KDM4E: variants seen among roughly 807,000 people sequenced by gnomAD.
KDM4E encodes lysine-specific demethylase 4E.
For synonymous variants in KDM4E, 229 were observed against 232.9 expected (o/e 0.98, Z 0.15); for missense variants, 576 against 642.6 (o/e 0.90, Z 1.12).
In KDM4E at chr11:95,026,442, A is replaced by G; in HGVS notation, c.885A>G (p.Pro295=). The G allele has an allele frequency of 1.9e-6, 3 of 1,611,408 alleles. No homozygotes were observed. The highest frequency in any genetic ancestry group is 1.7e-6 in the Non-Finnish European group (2 of 1,179,958). ...CAGAAGCCATTAATTTTGCCACTCC[A>G]CGATGGATTGATTATGGCAAAATGG... is the stretch of plus-strand genomic sequence containing the variant. ...NCAEAINFAT[P]RWIDYGKMAS... The change falls in exon 1 of 1, where the codon CCA becomes CCG. Residue 295 remains proline, a synonymous_variant. Coordinates refer to ENST00000450979, the MANE Select transcript of KDM4E (RefSeq NM_001161630.1).
At position 95,027,342 on chromosome 11, in the gene KDM4E, G is replaced by A; in HGVS notation, c.*264G>A. 2.0e-6 allele frequency: 1 copy of A among 503,450 alleles called. No individual in the cohort carries two copies. Among genetic ancestry groups the A allele is most frequent in the Non-Finnish European group, 3.5e-6 (1 of 284,452 alleles). The allele number at this position is 503,450 out of a possible 1,614,324, so 31.2% of individuals were successfully genotyped here. A position where few individuals can be genotyped will look rare whatever the true frequency, so the allele number is the denominator to read the frequency against. The stretch of plus-strand genomic sequence containing the variant: ...AGGGACACTTGCCTGGTGAACATGG[G>A]CAAGGCTGTAGCAATGGACCACTTT... On this transcript the variant is annotated 3_prime_UTR_variant, in exon 1 of 1. Transcript: ENST00000450979.
rs1346705304 is a variant in KDM4E, at chr11:95,025,646, C to T, written c.89C>T (p.Thr30Ile). The T allele has an allele frequency of 1.9e-6, 3 of 1,540,022 alleles. No homozygotes were observed. Among genetic ancestry groups the T allele is most frequent in the East Asian group, 4.8e-5 (2 of 41,346 alleles). The change falls in exon 1 of 1, where the codon ACA becomes ATA. Residue 30 changes from threonine to isoleucine, a missense_variant. Thr to Ile is a moderately conservative substitution (Grantham distance 89, BLOSUM62 -1). Coordinates refer to ENST00000450979, the MANE Select transcript of KDM4E (RefSeq NM_001161630.1). Reference sequence around the variant, plus strand: ...ATGGAAGAATTTGCAGATTTCAACACATATGTTGCTTACATGGAGTCCCAA... The same window carrying T: ...ATGGAAGAATTTGCAGATTTCAACATATATGTTGCTTACATGGAGTCCCAA... Reference protein sequence around the residue: ...PTMEEFADFNTYVAYMESQGA... With the variant: ...PTMEEFADFNIYVAYMESQGA...
In KDM4E at chr11:95,026,398, A is replaced by C; in HGVS notation, c.841A>C (p.Asn281His). The C allele has an allele frequency of 6.2e-7, 1 of 1,613,872 alleles. No individual in the cohort carries two copies. The highest frequency in any genetic ancestry group is 8.5e-7 in the Non-Finnish European group (1 of 1,180,034). ...TFPYGYHAGFNHGFNCAEAIN... is the reference protein window; with the variant it reads ...TFPYGYHAGFHHGFNCAEAIN... ...TCCCTATGGCTACCATGCTGGCTTC[A>C]ATCACGGCTTCAACTGCGCAGAAGC... Residue 281 changes from asparagine (N) to histidine (H), a missense_variant, in exon 1 of 1, where the codon AAT becomes CAT. Physicochemically the swap from Asn to His is moderately conservative, Grantham distance 68. Coordinates refer to ENST00000450979, the MANE Select transcript of KDM4E (RefSeq NM_001161630.1).
rs1555102988 is a variant in KDM4E, at chr11:95,026,691, A to G, written c.1134A>G (p.Thr378=). Residue 378 remains threonine, a synonymous_variant, in exon 1 of 1, where the codon ACA becomes ACG. Coordinates refer to ENST00000450979, the MANE Select transcript of KDM4E (RefSeq NM_001161630.1). Reference sequence around the variant, plus strand: ...GCCTGAGGCTTCTCCCAAACCTCACAGCCCAGTGTCCCACACAGCCTGTGT... The same window carrying G: ...GCCTGAGGCTTCTCCCAAACCTCACGGCCCAGTGTCCCACACAGCCTGTGT... ...ALGLRLLPNL[T]AQCPTQPVSS... The G allele has an allele frequency of 6.5e-7, 1 of 1,537,260 alleles. No homozygotes were observed. The highest frequency in any genetic ancestry group is 1.2e-5 in the South Asian group (1 of 84,068).
Position 95,026,333 on chromosome 11 carries a change from A to G in KDM4E, c.776A>G (p.Asn259Ser), listed in dbSNP as rs1858265522. ...CTCAAGGAAAATGGGATTCCCTTCAATTGCATGACTCAGGAGGCTGGGGAG... is the reference window on the plus strand; with the variant it reads ...CTCAAGGAAAATGGGATTCCCTTCAGTTGCATGACTCAGGAGGCTGGGGAG... Reference protein sequence around the residue: ...TVLKENGIPFNCMTQEAGEFM... With the variant: ...TVLKENGIPFSCMTQEAGEFM... The change falls in exon 1 of 1, where the codon AAT (asparagine) becomes AGT (serine). Residue 259 changes from asparagine to serine, a missense_variant. Asn to Ser is a conservative substitution (Grantham distance 46). Transcript: ENST00000450979. The G allele has an allele frequency of 6.2e-7, 1 of 1,613,900 alleles. No individual in the cohort carries two copies. The highest frequency in any genetic ancestry group is 1.3e-5 in the African/African-American group (1 of 74,888).
Position 95,027,159 on chromosome 11 carries a change from C to T in KDM4E, c.*81C>T, listed in dbSNP as rs782080116. ...TCAACTCCTGGGGCCCCCACTGGAT[C>T]GTGATGAAACCATGCACCCTGGCCT... On this transcript the variant is annotated 3_prime_UTR_variant, in exon 1 of 1. Coordinates refer to ENST00000450979, the MANE Select transcript of KDM4E (RefSeq NM_001161630.1). The T allele has an allele frequency of 4.6e-5, 69 of 1,484,582 alleles. No individual in the cohort carries two copies. The highest frequency in any genetic ancestry group is 5.3e-5 in the Non-Finnish European group (60 of 1,122,850). The allele number at this position is 1,484,582 out of a possible 1,614,324, so 92.0% of individuals were successfully genotyped here.
rs782120741 is a variant in KDM4E at position 95,025,747 on chromosome 11, G to A, written c.190G>A (p.Glu64Lys). Residue 64 changes from glutamate to lysine, a missense_variant, in exon 1 of 1, where the codon GAA becomes AAA. Coordinates refer to ENST00000450979, the MANE Select transcript of KDM4E (RefSeq NM_001161630.1). ...AGCCAGACAGATGTATGATGATATCGAAGACATCTTAATAGCCACTCCCCT... is the reference window on the plus strand; with the variant it reads ...AGCCAGACAGATGTATGATGATATCAAAGACATCTTAATAGCCACTCCCCT... ...WKARQMYDDI[E>K]DILIATPLQQ... 22 of 1,585,298 alleles carry A rather than the reference G, an allele frequency of 1.4e-5. No individual in the cohort carries two copies. Among genetic ancestry groups the A allele is most frequent in the Admixed American group, 6.9e-5 (4 of 57,982 alleles).
In KDM4E at chr11:95,027,371, G is replaced by A. The variant is rs1858284827; in HGVS notation, c.*293G>A. 5 of 419,456 alleles carry A rather than the reference G, an allele frequency of 1.2e-5. No homozygotes were observed. The highest frequency in any genetic ancestry group is 8.3e-5 in the East Asian group (2 of 24,122). 26.0% of individuals were successfully genotyped at this position (419,456 alleles called of 1,614,324 possible). A position where few individuals can be genotyped will look rare whatever the true frequency, so the allele number is the denominator to read the frequency against. On this transcript the variant is annotated 3_prime_UTR_variant, in exon 1 of 1. Coordinates refer to ENST00000450979, the MANE Select transcript of KDM4E (RefSeq NM_001161630.1). ...GGCTGTAGCAATGGACCACTTTTAC[G>A]GCTCTAGGGTTCTGACTCCAACTAA...
In KDM4E at chr11:95,025,587, C is replaced by A. The variant is rs995519723; in HGVS notation, c.30C>A (p.Asn10Lys). Residue 10 changes from asparagine to lysine, a missense_variant, in exon 1 of 1, where the codon AAC (asparagine) becomes AAA (lysine). Asn to Lys is a moderately conservative substitution (Grantham distance 94, BLOSUM62 0). Transcript: ENST00000450979. ...AGTCTGTGCACTCCAGTCCCCAGAA[C>A]ACGAGTCATACCATCATGACGTTTT... Reference protein sequence around the residue: MKSVHSSPQNTSHTIMTFYP... With the variant: MKSVHSSPQKTSHTIMTFYP... The A allele has an allele frequency of 2.0e-6, 3 of 1,535,210 alleles. No individual in the cohort carries two copies. Among genetic ancestry groups the A allele is most frequent in the East Asian group, 2.4e-5 (1 of 40,896 alleles).
rs782752792 is a variant in KDM4E at position 95,026,349 on chromosome 11, G to A, written c.792G>A (p.Glu264=). 1.2e-6 allele frequency: 2 copies of A among 1,614,128 alleles called. No individual in the cohort carries two copies. Among genetic ancestry groups the A allele is most frequent in the Admixed American group, 3.3e-5 (2 of 60,034 alleles). Residue 264 remains glutamate, a synonymous_variant, in exon 1 of 1, where the codon GAG becomes GAA. Transcript: ENST00000450979. ...TTCCCTTCAATTGCATGACTCAGGA[G>A]GCTGGGGAGTTCATGGTGACCTTTC... ...NGIPFNCMTQ[E]AGEFMVTFPY...
At position 95,026,593 on chromosome 11, in the gene KDM4E, G is replaced by C. The variant is rs1555102930; in HGVS notation, c.1036G>C (p.Glu346Gln). 2.6e-6 allele frequency: 4 copies of C among 1,537,710 alleles called. No individual in the cohort carries two copies. The highest frequency in any genetic ancestry group is 3.5e-6 in the Non-Finnish European group (4 of 1,147,102). ...RQDLAIVEHT[E>Q]PRVAESQELS... ...AGACTTGGCCATTGTGGAACACACA[G>C]AGCCCAGGGTTGCAGAAAGCCAAGA... Residue 346 changes from glutamate to glutamine, a missense_variant, in exon 1 of 1, where the codon GAG becomes CAG. Coordinates refer to ENST00000450979, the MANE Select transcript of KDM4E (RefSeq NM_001161630.1).
chr11:95,025,657 T>G lies in KDM4E; in HGVS notation c.100T>G (p.Tyr34Asp), dbSNP rs1555102581. Residue 34 changes from tyrosine (Y) to aspartate (D), a missense_variant, in exon 1 of 1, where the codon TAC (tyrosine) becomes GAC (aspartate). Transcript: ENST00000450979. ...TGCAGATTTCAACACATATGTTGCT[T>G]ACATGGAGTCCCAAGGCGCACATCA... Reference protein sequence around the residue: ...EFADFNTYVAYMESQGAHQAG... With the variant: ...EFADFNTYVADMESQGAHQAG... 1.3e-6 allele frequency: 2 copies of G among 1,542,740 alleles called. No individual in the cohort carries two copies. The highest frequency in any genetic ancestry group is 1.4e-5 in the African/African-American group (1 of 73,212).
chr11:95,026,062 A>C lies in KDM4E; in HGVS notation c.505A>C (p.Ile169Leu), dbSNP rs1555102722. ...DLLEQECGVV[I>L]EGVNTPYLYF... Reference sequence around the variant, plus strand: ...GTTGGAGCAGGAATGTGGGGTTGTCATCGAGGGTGTCAACACACCCTACCT... The same window carrying C: ...GTTGGAGCAGGAATGTGGGGTTGTCCTCGAGGGTGTCAACACACCCTACCT... Residue 169 changes from isoleucine (I) to leucine (L), a missense_variant, in exon 1 of 1, where the codon ATC becomes CTC. Transcript: ENST00000450979. 1 of 1,613,840 alleles carries C rather than the reference A, an allele frequency of 6.2e-7. No individual in the cohort carries two copies. The highest frequency in any genetic ancestry group is 8.5e-7 in the Non-Finnish European group (1 of 1,179,854).
In KDM4E at chr11:95,027,014, G is replaced by C. The variant is rs1282902399; in HGVS notation, c.1457G>C (p.Arg486Thr). 1.4e-5 allele frequency: 21 copies of C among 1,537,138 alleles called. No homozygotes were observed. Among genetic ancestry groups the C allele is most frequent in the African/African-American group, 2.7e-5 (2 of 73,032 alleles). The change falls in exon 1 of 1, where the codon AGA becomes ACA. Residue 486 changes from arginine to threonine, a missense_variant. Arg to Thr is a moderately conservative substitution (Grantham distance 71). Coordinates refer to ENST00000450979, the MANE Select transcript of KDM4E (RefSeq NM_001161630.1). ...CGCCTTTTAATGGGTACAAGGAGTAGAGCTCAAGGCCACAGGCCTCAGCTC... is the reference window on the plus strand; with the variant it reads ...CGCCTTTTAATGGGTACAAGGAGTACAGCTCAAGGCCACAGGCCTCAGCTC... The part of the protein sequence containing the change: ...KRRLLMGTRS[R>T]AQGHRPQLPL...
rs534468367 is a variant in KDM4E, at chr11:95,027,214, G to C, written c.*136G>C. ...CTGCTATCCCTCAACAGCACTACTA[G>C]TAATCTCCCTGATGTTGTCTGCATG... On this transcript the variant is annotated 3_prime_UTR_variant, in exon 1 of 1. Coordinates refer to ENST00000450979, the MANE Select transcript of KDM4E (RefSeq NM_001161630.1). The C allele has an allele frequency of 5.9e-6, 7 of 1,185,128 alleles. No individual in the cohort carries two copies. In the African/African-American group the frequency reaches 9.3e-5, roughly 16 times the overall value. The allele number at this position is 1,185,128 out of a possible 1,614,324, so 73.4% of individuals were successfully genotyped here.
At position 95,025,927 on chromosome 11, in the gene KDM4E, A is replaced by G; in HGVS notation, c.370A>G (p.Lys124Glu). ...TGCAGATTTGGAGCAACGATACTGG[A>G]AGAGCCACCCCGGTAATCCACCAAT... is the stretch of plus-strand genomic sequence containing the variant. ...NFADLEQRYW[K>E]SHPGNPPIYG... The change falls in exon 1 of 1, where the codon AAG becomes GAG. Residue 124 changes from lysine to glutamate, a missense_variant. Lys to Glu is a moderately conservative substitution (Grantham distance 56). Transcript: ENST00000450979. 6.3e-7 allele frequency: 1 copy of G among 1,575,168 alleles called. No individual in the cohort carries two copies. The highest frequency in any genetic ancestry group is 8.6e-7 in the Non-Finnish European group (1 of 1,165,572).
chr11:95,026,955 T>G lies in KDM4E; in HGVS notation c.1398T>G (p.Thr466=), dbSNP rs573112742. ...GTTGTTGTACTCGAGAACTGGGGAC[T>G]GAGGAGCCAACTGTTCAGCCTGCAT... ...GHGCCTRELG[T]EEPTVQPASK... The change falls in exon 1 of 1, where the codon ACT becomes ACG. Residue 466 remains threonine, a synonymous_variant. Coordinates refer to ENST00000450979, the MANE Select transcript of KDM4E (RefSeq NM_001161630.1). The G allele has an allele frequency of 3.3e-6, 5 of 1,537,208 alleles. No individual in the cohort carries two copies. In the South Asian group the frequency reaches 4.8e-5, roughly 15 times the overall value.
rs1555102684 is a variant in KDM4E, at chr11:95,025,952, T to C, written c.395T>C (p.Ile132Thr). ...AAGAGCCACCCCGGTAATCCACCAATTTATGGTGCTGATATCAGCGGCTCC... is the reference window on the plus strand; with the variant it reads ...AAGAGCCACCCCGGTAATCCACCAACTTATGGTGCTGATATCAGCGGCTCC... ...YWKSHPGNPP[I>T]YGADISGSLF... The change falls in exon 1 of 1, where the codon ATT (isoleucine) becomes ACT (threonine). Residue 132 changes from isoleucine to threonine, a missense_variant. Coordinates refer to ENST00000450979, the MANE Select transcript of KDM4E (RefSeq NM_001161630.1). 2 of 1,577,156 alleles carry C rather than the reference T, an allele frequency of 1.3e-6. No homozygotes were observed. The highest frequency in any genetic ancestry group is 4.6e-5 in the East Asian group (2 of 43,164).
In KDM4E at chr11:95,027,590, C is replaced by T. The variant is rs1858287190; in HGVS notation, c.*512C>T. 1.3e-5 allele frequency: 2 copies of T among 159,588 alleles called. No homozygotes were observed. Among genetic ancestry groups the T allele is most frequent in the African/African-American group, 4.8e-5 (2 of 41,456 alleles). The allele number at this position is 159,588 out of a possible 1,614,324, so 9.9% of individuals were successfully genotyped here. On this transcript the variant is annotated 3_prime_UTR_variant, in exon 1 of 1. Coordinates refer to ENST00000450979, the MANE Select transcript of KDM4E (RefSeq NM_001161630.1). ...TTACCTGCAGTAACTGACACATTTCCAAGGCCCCCAGATGCTGTCTCCAAC... is the reference window on the plus strand; with the variant it reads ...TTACCTGCAGTAACTGACACATTTCTAAGGCCCCCAGATGCTGTCTCCAAC...
Sources: allele counts gnomAD v4.1 joint callset, GRCh38; gene constraint gnomAD v4.1.1; transcripts MANE v1.5; gene names NCBI Gene and HGNC (gene_info 2026-07-23, HGNC 2026-07-21).